The following ADAMTS17 variants were observed in gnomAD, a reference collection of about 807,000 sequenced individuals.
The protein encoded by ADAMTS17 is A disintegrin and metalloproteinase with thrombospondin motifs 17.
In ADAMTS17, 113 loss-of-function variants were observed where a neutral mutation model predicts 141.5. That is an observed-to-expected ratio of 0.80 (90% CI 0.69 to 0.93). The LOEUF (loss-of-function observed/expected upper bound fraction) is 0.93, where lower values mean the gene tolerates loss of function less well. Ranked by LOEUF, ADAMTS17 falls within the 40% of genes least tolerant of loss-of-function variation. The pLI is 0.00. For synonymous variants in ADAMTS17, 768 were observed against 630.6 expected, an observed-to-expected ratio of 1.22 and a Z score of -3.27; for missense variants, 1,659 against 1,517.9, an observed-to-expected ratio of 1.09 and a Z score of -1.54.
rs537309541 is a variant in ADAMTS17 at position 100,071,868 on chromosome 15, C to T, written c.2138-17814G>A. 4.7e-5 allele frequency among the ~76,000 whole-genome samples: 7 copies of T among 150,438 alleles called. No individual in the cohort carries two copies. In the South Asian group the frequency reaches 1.5e-3, roughly 32 times the overall value. ...CACAAGACAGGGATGCCCTCTCTCGCCACTCCTATTCAACATAGTGTTGGA... is the reference window on the plus strand; with the variant it reads ...CACAAGACAGGGATGCCCTCTCTCGTCACTCCTATTCAACATAGTGTTGGA... On this transcript the variant is annotated intron_variant, in intron 15 of 21. Coordinates refer to ENST00000268070, the MANE Select transcript of ADAMTS17 (RefSeq NM_139057.4).
intron 3 of ADAMTS17, among the ~76,000 whole-genome samples, chr15:100,329,122 C>A (rs767359401): frequency 6.6e-6 from 1 of 152,092 alleles, no homozygotes; most frequent in Non-Finnish European, 1.5e-5. Flanking sequence ...GCTGTTAAAG[C>A]TTCCCAGGTG....
intron 15 of ADAMTS17, among the ~76,000 whole-genome samples, chr15:100,069,650 A>G (rs928246814): frequency 3.3e-5 from 5 of 152,172 alleles, no homozygotes; most frequent in African/African-American, 1.2e-4. Context: ...ACTAAGCTTC[A>G]TAAGTGAAGG....
intron 8 of ADAMTS17, among the ~76,000 whole-genome samples, chr15:100,187,557 C>T (rs918265525): frequency 6.6e-6 from 1 of 152,192 alleles, no homozygotes; most frequent in African/African-American, 2.4e-5. Context: ...TTACTCTGAA[C>T]CCCCAGATTC....
intron 7 of ADAMTS17, among the ~76,000 whole-genome samples, chr15:100,239,718 A>G (rs2042770963): frequency 6.6e-6 from 1 of 152,192 alleles, no homozygotes; most frequent in South Asian, 2.1e-4. Context: ...AGTCCAGGGC[A>G]CTTCAGAGAG....
chr15:100,185,478 A>G (rs1259824241), intron 8 of ADAMTS17, among the ~76,000 whole-genome samples: 1 of 152,214 alleles, frequency 6.6e-6, no homozygotes, highest in Non-Finnish European at 1.5e-5. Context: ...GTGAGATCAG[A>G]GATCAATTCA....
At chr15:100,192,424 A>G (rs921687443) in intron 8 of ADAMTS17, among the ~76,000 whole-genome samples, 11 of 152,196 alleles carry the variant, frequency 7.2e-5, no homozygotes, top group Admixed American at 4.6e-4. Context: ...GCCAACCCCT[A>G]TGTGAACACA....
intron 4 of ADAMTS17, among the ~76,000 whole-genome samples, chr15:100,276,600 G>C (rs570852119): frequency 6.6e-6 from 1 of 152,128 alleles, no homozygotes; most frequent in African/African-American, 2.4e-5. Context: ...TTGGAATGAA[G>C]GTGGCAACCA....
At chr15:100,338,422 T>C (rs2046269455) in intron 2 of ADAMTS17, among the ~76,000 whole-genome samples, 1 of 152,172 alleles carries the variant, frequency 6.6e-6, no homozygotes. Context: ...AGATGTTCAA[T>C]ACAGTGGGAC....
intron 3 of ADAMTS17, among the ~76,000 whole-genome samples, chr15:100,292,208 C>T (rs140503365): frequency 4.7e-4 from 70 of 150,320 alleles, no homozygotes; most frequent in South Asian, 2.3e-3. Context: ...TCACGAGACA[C>T]GCTCACCCCG....
chr15:99,990,477 G>C (rs1596169192), intron 20 of ADAMTS17, among the ~76,000 whole-genome samples: 2 of 152,208 alleles, frequency 1.3e-5, no homozygotes, highest in Admixed American at 6.5e-5. Context: ...AAACTGGACT[G>C]ACAGCCTCAG....
In ADAMTS17 at chr15:100,155,212, G is replaced by A. The variant is rs750237107; in HGVS notation, c.1290C>T (p.Ser430=). Residue 430 remains serine (S), a synonymous_variant, in exon 9 of 22, where the codon TCC becomes TCT. Transcript: ENST00000268070. ...AGTTTTCAAGGTCATCTCGGCTGCA[G>A]GAGGACCAAGAGAGGTCACTTGGGT... ...GRNPSDLSWS[S]CSRDDLENFL... 23 of 1,614,116 alleles carry A rather than the reference G, an allele frequency of 1.4e-5. No homozygotes were observed. The highest frequency in any genetic ancestry group is 6.7e-5 in the Admixed American group (4 of 60,000).
At chr15:100,314,239 A>G (rs1390676573) in intron 3 of ADAMTS17, among the ~76,000 whole-genome samples, 1 of 152,258 alleles carries the variant, frequency 6.6e-6, no homozygotes, top group Non-Finnish European at 1.5e-5. Flanking sequence ...GCAATATGTG[A>G]GTCTAGACTG....
chr15:100,266,341 A>G (rs4965299), intron 4 of ADAMTS17, among the ~76,000 whole-genome samples: 104,799 of 152,154 alleles, frequency 0.69, 36,366 homozygotes, highest in East Asian at 0.92. Flanking sequence ...CCACAACTGC[A>G]GGGCCAGAGT....
chr15:100,110,499 C>T lies in ADAMTS17; in HGVS notation c.1889-1383G>A, dbSNP rs553866781. Among the ~76,000 whole-genome samples, 246 of 151,974 alleles carry T rather than the reference C, an allele frequency of 1.6e-3. 2 individuals carry two copies. In the South Asian group the frequency reaches 0.019, roughly 12 times the overall value. ...CAGGGTGGTCTCGATCTCCTGACCT[C>T]GTGACTTGCCTGCCTCGGCCTCCCA... On this transcript the variant is annotated intron_variant, in intron 13 of 21. Transcript: ENST00000268070.
At chr15:100,073,066 GA>G (rs1468649279) in intron 15 of ADAMTS17, among the ~76,000 whole-genome samples, 1 of 151,950 alleles carries the variant, frequency 6.6e-6, no homozygotes, top group East Asian at 1.9e-4. Context: ...AAATCTACAA[GA>G]AAAAAACAAA....
At chr15:99,995,456 G>A (rs569612647) in intron 19 of ADAMTS17, among the ~76,000 whole-genome samples, 1 of 152,194 alleles carries the variant, frequency 6.6e-6, no homozygotes, top group African/African-American at 2.4e-5. Context: ...TGCTGAGGAC[G>A]GCTCCAGCTC....
chr15:100,257,370 C>T lies in ADAMTS17; in HGVS notation c.1032-3191G>A, dbSNP rs191202498. ...TGCCCGACTCCACTGCGGCCTCCCCCGTCCTTCAAGGAGATCTTCAATTTA... is the reference window on the plus strand; with the variant it reads ...TGCCCGACTCCACTGCGGCCTCCCCTGTCCTTCAAGGAGATCTTCAATTTA... On this transcript the variant is annotated intron_variant, in intron 6 of 21. Transcript: ENST00000268070. Among the ~76,000 whole-genome samples, 549 of 152,362 alleles carry T rather than the reference C, an allele frequency of 3.6e-3. 8 individuals carry two copies. The highest frequency in any genetic ancestry group is 0.033 in the South Asian group (158 of 4,824).
chr15:100,286,338 A>G (rs1195670351), intron 3 of ADAMTS17, among the ~76,000 whole-genome samples: 1 of 152,168 alleles, frequency 6.6e-6, no homozygotes, highest in African/African-American at 2.4e-5. Flanking sequence ...GCAGTCTGAC[A>G]TGCCACCGTG....
chr15:100,111,987 G>A (rs1423968589), intron 13 of ADAMTS17, among the ~76,000 whole-genome samples: 3 of 152,216 alleles, frequency 2.0e-5, no homozygotes, highest in Non-Finnish European at 4.4e-5. Context: ...GAGCAAAGTG[G>A]CATTGCTAAA....
Sources: gnomAD v4.1 joint callset for allele counts (sites outside exome capture counted in the v4.1 genomes callset) on GRCh38, gnomAD v4.1.1 for gene constraint, MANE v1.5 for transcripts, NCBI Gene and HGNC (gene_info 2026-07-23, HGNC 2026-07-21) for gene names.